Variants in GPC5 observed in about 807,000 individuals in gnomAD.
The protein encoded by GPC5 is glypican-5.
GPC5 carries 47 observed loss-of-function variants against 53.9 expected under a neutral mutation model. The observed-to-expected ratio is 0.87, with a 90% CI of 0.69 to 1.11. The LOEUF is 1.11. Ranked by LOEUF, GPC5 falls within the 50% of genes most tolerant of loss-of-function variation. The pLI is 0.00. For missense variants in GPC5, 748 were observed against 713.1 expected (o/e 1.05, Z -0.56); for synonymous variants, 286 against 263.3 (o/e 1.09, Z -0.84).
chr13:92,417,185 G>T (rs983584366), intron 7 of GPC5, among the ~76,000 whole-genome samples: 1 of 152,138 alleles, frequency 6.6e-6, no homozygotes, highest in African/African-American at 2.4e-5. Context: ...ACAGGCAAAA[G>T]ACCTGAATTT....
chr13:92,254,875 A>G (rs1332409512), intron 7 of GPC5, among the ~76,000 whole-genome samples: 5 of 152,196 alleles, frequency 3.3e-5, no homozygotes, highest in African/African-American at 1.2e-4. Flanking sequence ...CTCCCCCAGT[A>G]CATGGGGATA....
intron 7 of GPC5, among the ~76,000 whole-genome samples, chr13:92,801,143 A>G (rs1029659639): frequency 1.3e-5 from 2 of 151,388 alleles, no homozygotes; most frequent in Non-Finnish European, 3.0e-5. Context: ...GTGTGTGTGT[A>G]TAATATTGTT....
intron 6 of GPC5, among the ~76,000 whole-genome samples, chr13:91,924,323 G>A (rs2039745796): frequency 6.6e-6 from 1 of 152,126 alleles, no homozygotes; most frequent in South Asian, 2.1e-4. Context: ...AGTCTTATTA[G>A]AATACTAATT....
At chr13:92,021,373 C>A (rs1165085988) in intron 6 of GPC5, among the ~76,000 whole-genome samples, 2 of 152,148 alleles carry the variant, frequency 1.3e-5, no homozygotes, top group Non-Finnish European at 2.9e-5. Context: ...AGAAGCCAGT[C>A]ACAGAAAGAC....
chr13:92,328,205 C>CA (rs2043265072), intron 7 of GPC5, among the ~76,000 whole-genome samples: 1 of 152,076 alleles, frequency 6.6e-6, no homozygotes. Flanking sequence ...AATAGATCTT[C>CA]AATCTATATT....
intron 7 of GPC5, among the ~76,000 whole-genome samples, chr13:92,733,595 A>G (rs927184338): frequency 6.6e-5 from 10 of 151,782 alleles, no homozygotes; most frequent in African/African-American, 2.2e-4. Context: ...TGAAAAGACA[A>G]TGATAGAAAA....
At chr13:91,729,622 C>T (rs1371072417) in intron 4 of GPC5, among the ~76,000 whole-genome samples, 1 of 152,100 alleles carries the variant, frequency 6.6e-6, no homozygotes, top group Non-Finnish European at 1.5e-5. Context: ...GGATAAAGAT[C>T]TGGGCTATTG....
intron 5 of GPC5, among the ~76,000 whole-genome samples, chr13:91,848,997 T>C (rs1466607825): frequency 6.6e-6 from 1 of 152,210 alleles, no homozygotes; most frequent in African/African-American, 2.4e-5. Context: ...GTGAACTATT[T>C]TTTAGAGGTG....
intron 7 of GPC5, among the ~76,000 whole-genome samples, chr13:92,580,394 G>C (rs1883333139): frequency 1.3e-5 from 2 of 152,024 alleles, no homozygotes; most frequent in Non-Finnish European, 2.9e-5. Flanking sequence ...ATCAGAAAAA[G>C]TACTTTATAT....
intron 7 of GPC5, among the ~76,000 whole-genome samples, chr13:92,851,365 G>A (rs895486276): frequency 2.6e-5 from 4 of 151,674 alleles, no homozygotes; most frequent in Non-Finnish European, 5.9e-5. Context: ...CAGAATTTTT[G>A]CAACCAGGGA....
chr13:91,649,694 G>A (rs973969393), intron 2 of GPC5, among the ~76,000 whole-genome samples: 6 of 152,244 alleles, frequency 3.9e-5, no homozygotes, highest in Admixed American at 2.0e-4. Flanking sequence ...GGGGCCTTTT[G>A]TTTACCTGAG....
intron 7 of GPC5, among the ~76,000 whole-genome samples, chr13:92,658,322 C>T (rs1352814222): frequency 6.6e-6 from 1 of 152,120 alleles, no homozygotes; most frequent in Non-Finnish European, 1.5e-5. Context: ...TTATGAAGCG[C>T]AAGACACAAT....
intron 7 of GPC5, among the ~76,000 whole-genome samples, chr13:92,212,506 A>C (rs572484554): frequency 2.6e-5 from 4 of 152,336 alleles, no homozygotes; most frequent in African/African-American, 7.2e-5. Flanking sequence ...CAGTCCTTCA[A>C]AGAGCAAAAT....
At chr13:92,354,347 A>G (rs2043504977) in intron 7 of GPC5, among the ~76,000 whole-genome samples, 1 of 152,250 alleles carries the variant, frequency 6.6e-6, no homozygotes, top group Non-Finnish European at 1.5e-5. Flanking sequence ...TTTTAAAAAT[A>G]GTTGAAAGCA....
At chr13:92,262,252 C>CA (rs1437181130) in intron 7 of GPC5, among the ~76,000 whole-genome samples, 4 of 152,050 alleles carry the variant, frequency 2.6e-5, no homozygotes, top group Non-Finnish European at 5.9e-5. Flanking sequence ...GAAGCAGAGC[C>CA]AAAATCTTAT....
chr13:92,601,062 G>C (rs1169529878), intron 7 of GPC5, among the ~76,000 whole-genome samples: 1 of 152,130 alleles, frequency 6.6e-6, no homozygotes, highest in Admixed American at 6.5e-5. Flanking sequence ...ACCTGGCTGA[G>C]AAATCAGTAA....
At chr13:92,774,234 C>T (rs1417154127) in intron 7 of GPC5, among the ~76,000 whole-genome samples, 2 of 152,212 alleles carry the variant, frequency 1.3e-5, no homozygotes, top group African/African-American at 4.8e-5. Flanking sequence ...CATATCTTCT[C>T]TACTTAACCT....
At chr13:92,569,695 C>A (rs1204592051) in intron 7 of GPC5, among the ~76,000 whole-genome samples, 1 of 152,136 alleles carries the variant, frequency 6.6e-6, no homozygotes, top group Non-Finnish European at 1.5e-5. Context: ...TTTTGCAAGT[C>A]TAGTGCACCA....
intron 7 of GPC5, among the ~76,000 whole-genome samples, chr13:92,565,407 G>A (rs192923110): frequency 2.0e-4 from 30 of 151,990 alleles, no homozygotes; most frequent in African/African-American, 4.8e-4. Flanking sequence ...TAAGATCTCC[G>A]TCCAGAGTCA....
Sources: gnomAD v4.1 joint callset for allele counts (sites outside exome capture counted in the v4.1 genomes callset) on GRCh38, gnomAD v4.1.1 for gene constraint, MANE v1.5 for transcripts, NCBI Gene and HGNC (gene_info 2026-07-23, HGNC 2026-07-21) for gene names.